The following CAMTA1 variants were observed in gnomAD, a reference collection of about 807,000 sequenced individuals.
CAMTA1 encodes the protein calmodulin binding transcription activator 1, also known as calmodulin-binding transcription activator 1.
In CAMTA1, 27 loss-of-function variants were observed where a neutral mutation model predicts 170.9. That is an observed-to-expected ratio of 0.16 (90% CI 0.12 to 0.22). CAMTA1 has a LOEUF of 0.22. CAMTA1 is among the 10% of genes least tolerant of loss of function. The pLI is 1.00. For missense variants in CAMTA1, 1,619 were observed against 2,217.2 expected (o/e 0.73, Z 5.42); for synonymous variants, 833 against 891.5 (o/e 0.93, Z 1.17).
intron 3 of CAMTA1, among the ~76,000 whole-genome samples, chr1:6,833,622 G>A (rs1168550092): frequency 6.6e-6 from 1 of 152,108 alleles, no homozygotes; most frequent in Non-Finnish European, 1.5e-5. Flanking sequence ...TACATATCAA[G>A]CATTTGTATA....
chr1:7,015,255 C>T (rs892001459), intron 3 of CAMTA1, among the ~76,000 whole-genome samples: 2 of 152,118 alleles, frequency 1.3e-5, no homozygotes, highest in Non-Finnish European at 2.9e-5. Flanking sequence ...CGCTAATGAC[C>T]GGATTTCCTA....
intron 5 of CAMTA1, among the ~76,000 whole-genome samples, chr1:7,376,826 A>G (rs1178276203): frequency 6.6e-6 from 1 of 152,086 alleles, no homozygotes; most frequent in Non-Finnish European, 1.5e-5. Context: ...ATTGGTTAAC[A>G]TTTGTCCCCA....
chr1:7,644,985 C>T (rs1004380025), intron 7 of CAMTA1, among the ~76,000 whole-genome samples: 1 of 152,222 alleles, frequency 6.6e-6, no homozygotes, highest in African/African-American at 2.4e-5. Flanking sequence ...CTGGAGTTTA[C>T]AGTACGCAAG....
At chr1:7,491,374 G>A (rs974434914) in intron 6 of CAMTA1, among the ~76,000 whole-genome samples, 3 of 152,210 alleles carry the variant, frequency 2.0e-5, no homozygotes, top group South Asian at 2.1e-4. Context: ...TAGAGGGGAA[G>A]GCTATTTCTC....
At chr1:7,512,577 C>T (rs1175354131) in intron 6 of CAMTA1, among the ~76,000 whole-genome samples, 1 of 152,172 alleles carries the variant, frequency 6.6e-6, no homozygotes, top group African/African-American at 2.4e-5. Flanking sequence ...TGGACTGGGG[C>T]TTGGTTTTCT....
intron 6 of CAMTA1, among the ~76,000 whole-genome samples, chr1:7,548,603 G>C (rs2094740829): frequency 6.6e-6 from 1 of 150,526 alleles, no homozygotes; most frequent in Non-Finnish European, 1.5e-5. Flanking sequence ...CTTAGGGGTG[G>C]AGATGCCCAT....
At chr1:6,957,303 G>A (rs897857031) in intron 3 of CAMTA1, among the ~76,000 whole-genome samples, 6 of 152,192 alleles carry the variant, frequency 3.9e-5, no homozygotes, top group Non-Finnish European at 7.3e-5. Flanking sequence ...TCTTAGCAGC[G>A]TATTCACTTT....
chr1:6,904,356 A>G (rs1677803141), intron 3 of CAMTA1, among the ~76,000 whole-genome samples: 1 of 151,954 alleles, frequency 6.6e-6, no homozygotes, highest in African/African-American at 2.4e-5. Context: ...CTGCCTCACC[A>G]TCTGGTCCCT....
At chr1:7,372,637 G>T (rs534583509) in intron 5 of CAMTA1, among the ~76,000 whole-genome samples, 2 of 152,280 alleles carry the variant, frequency 1.3e-5, no homozygotes, top group East Asian at 3.9e-4. Context: ...AATTACAATC[G>T]CCACAGTGAT....
chr1:7,220,917 T>C (rs1401305538), intron 4 of CAMTA1, among the ~76,000 whole-genome samples: 2 of 152,190 alleles, frequency 1.3e-5, no homozygotes, highest in African/African-American at 4.8e-5. Flanking sequence ...TCCTGTCTCC[T>C]GCCTCCCGCT....
At chr1:6,813,024 C>T (rs1645369372) in intron 1 of CAMTA1, among the ~76,000 whole-genome samples, 1 of 152,196 alleles carries the variant, frequency 6.6e-6, no homozygotes, top group Non-Finnish European at 1.5e-5. Context: ...ACCTACCAGA[C>T]TTTTTCCTTT....
intron 6 of CAMTA1, among the ~76,000 whole-genome samples, chr1:7,607,058 AG>A (rs1478044852): frequency 2.6e-5 from 4 of 152,212 alleles, no homozygotes; most frequent in African/African-American, 9.7e-5. Context: ...AATAGAAGGG[AG>A]GACGGATGCA....
chr1:6,804,696 T>A (rs745742862), intron 1 of CAMTA1, among the ~76,000 whole-genome samples: 11 of 152,164 alleles, frequency 7.2e-5, no homozygotes, highest in Non-Finnish European at 1.5e-4. Context: ...TACTGTTACT[T>A]CATCCCTTTT....
At chr1:7,235,236 G>A (rs905592124) in intron 4 of CAMTA1, among the ~76,000 whole-genome samples, 7 of 152,080 alleles carry the variant, frequency 4.6e-5, no homozygotes, top group Non-Finnish European at 7.4e-5. Context: ...TTGGTTGTTC[G>A]GGATCAGCCT....
At chr1:7,013,426 T>C (rs1012048585) in intron 3 of CAMTA1, among the ~76,000 whole-genome samples, 1 of 152,098 alleles carries the variant, frequency 6.6e-6, no homozygotes, top group Non-Finnish European at 1.5e-5. Flanking sequence ...TTGACCAGGC[T>C]GGTCTTGAAC....
chr1:7,766,658 A>T lies in CAMTA1; in HGVS notation c.*167A>T, dbSNP rs568827682. 26 of 564,648 alleles carry T rather than the reference A, an allele frequency of 4.6e-5. No homozygotes were observed. The East Asian group carries it at 7.4e-4, about 16-fold the overall frequency. The allele number at this position is 564,648 out of a possible 1,614,324, so 35.0% of individuals were successfully genotyped here. On this transcript the variant is annotated 3_prime_UTR_variant, in exon 23 of 23. Transcript: ENST00000303635. Reference sequence around the variant, plus strand: ...CAGTTTTGGGGAGATCAGCTGCAGGATTTTAACAGGAATGTTTTGGTCATT... The same window carrying T: ...CAGTTTTGGGGAGATCAGCTGCAGGTTTTTAACAGGAATGTTTTGGTCATT...
intron 5 of CAMTA1, among the ~76,000 whole-genome samples, chr1:7,326,682 C>T (rs2082702684): frequency 6.6e-6 from 1 of 152,240 alleles, no homozygotes; most frequent in African/African-American, 2.4e-5. Flanking sequence ...TTCTCCCTCA[C>T]AGCCTTCAGA....
At chr1:6,866,000 C>T (rs1466747691) in intron 3 of CAMTA1, among the ~76,000 whole-genome samples, 1 of 152,124 alleles carries the variant, frequency 6.6e-6, no homozygotes, top group Admixed American at 6.5e-5. Flanking sequence ...GGGACGATTA[C>T]CTTAAGCTAT....
chr1:7,108,942 C>T (rs541678622), intron 4 of CAMTA1, among the ~76,000 whole-genome samples: 1 of 152,288 alleles, frequency 6.6e-6, no homozygotes, highest in East Asian at 1.9e-4. Flanking sequence ...GCAGGATCCA[C>T]TCCCAAGCTC....
Sources: allele counts gnomAD v4.1 joint callset (sites outside exome capture counted in the v4.1 genomes callset), GRCh38; gene constraint gnomAD v4.1.1; transcripts MANE v1.5; gene names NCBI Gene and HGNC (gene_info 2026-07-23, HGNC 2026-07-21).